Variants in GPR149 observed in about 807,000 individuals in gnomAD.
GPR149 encodes the protein probable G protein-coupled receptor 149.
A neutral mutation model predicts 50.2 loss-of-function variants in GPR149; 50 were observed. The ratio of observed to expected loss-of-function variants is 1.00; its 90% CI spans 0.79 to 1.26. GPR149 has a LOEUF of 1.26. Among genes scored for constraint, GPR149 ranks in the 50% most tolerant of loss-of-function variants. The pLI is 0.00. For synonymous variants in GPR149, 405 were observed against 358.2 expected (o/e 1.13, Z -1.48); for missense variants, 983 against 895.4 (o/e 1.10, Z -1.25).
chr3:154,342,202 T>C (rs978545397), intron 3 of GPR149, among the ~76,000 whole-genome samples: 1 of 152,132 alleles, frequency 6.6e-6, no homozygotes, highest in East Asian at 1.9e-4. Flanking sequence ...ATATATACTA[T>C]AAACAAAAGT....
intron 3 of GPR149, among the ~76,000 whole-genome samples, chr3:154,355,109 C>A (rs767657534): frequency 4.6e-5 from 7 of 152,168 alleles, no homozygotes; most frequent in Non-Finnish European, 8.8e-5. Flanking sequence ...CTCACTGCAA[C>A]CTCTGCCTCC....
chr3:154,409,987 T>C (rs931977962), intron 3 of GPR149, among the ~76,000 whole-genome samples: 1 of 152,158 alleles, frequency 6.6e-6, no homozygotes, highest in African/African-American at 2.4e-5. Context: ...GGCAAAAGCA[T>C]CAGGTAACAT....
chr3:154,352,895 AC>A, intron 3 of GPR149: 1 of 884,036 alleles, frequency 1.1e-6, no homozygotes, highest in East Asian at 2.4e-5. Context: ...GTCCAGCTCT[AC>A]CTGTGCATCC....
intron 3 of GPR149, among the ~76,000 whole-genome samples, chr3:154,414,432 G>GA (rs1711930465): frequency 6.6e-6 from 1 of 151,982 alleles, no homozygotes; most frequent in African/African-American, 2.4e-5. Context: ...CGTAGAAATA[G>GA]AAAATTACCA....
intron 3 of GPR149, among the ~76,000 whole-genome samples, chr3:154,371,556 T>C (rs191840591): frequency 6.6e-6 from 1 of 152,254 alleles, no homozygotes; most frequent in African/African-American, 2.4e-5. Context: ...ATGGAATGAA[T>C]TGCCAACTCC....
intron 3 of GPR149, among the ~76,000 whole-genome samples, chr3:154,418,657 G>A: frequency 7.7e-6 from 1 of 129,600 alleles, no homozygotes; most frequent in Non-Finnish European, 1.6e-5. Flanking sequence ...ACACTCTGGG[G>A]ACTGTTGTGG....
chr3:154,358,755 A>G (rs1413458605), intron 3 of GPR149, among the ~76,000 whole-genome samples: 2 of 152,120 alleles, frequency 1.3e-5, no homozygotes, highest in African/African-American at 4.8e-5. Context: ...TCTAATTTAT[A>G]CCCTCTTTCA....
chr3:154,383,056 G>GTCCAT (rs1714968479), intron 3 of GPR149, among the ~76,000 whole-genome samples: 1 of 152,180 alleles, frequency 6.6e-6, no homozygotes, highest in African/African-American at 2.4e-5. Flanking sequence ...TAGTGCCTGT[G>GTCCAT]TCCATTGCTG....
intron 3 of GPR149, among the ~76,000 whole-genome samples, chr3:154,344,481 T>A (rs1296952169): frequency 6.6e-6 from 1 of 152,186 alleles, no homozygotes; most frequent in African/African-American, 2.4e-5. Context: ...TTGAATAGCA[T>A]CCCCCTCCAA....
chr3:154,413,479 A>G (rs755719579), intron 3 of GPR149, among the ~76,000 whole-genome samples: 2 of 151,998 alleles, frequency 1.3e-5, no homozygotes, highest in Non-Finnish European at 1.5e-5. Flanking sequence ...CAATCCTACC[A>G]AAAAGTGGGC....
intron 3 of GPR149, chr3:154,354,142 T>G: frequency 2.0e-6 from 1 of 496,400 alleles, no homozygotes; most frequent in Non-Finnish European, 3.9e-6. Flanking sequence ...CATTTTAGTT[T>G]TTTTTGGCCT....
chr3:154,360,973 G>T (rs1576905609), intron 3 of GPR149, among the ~76,000 whole-genome samples: 1 of 152,106 alleles, frequency 6.6e-6, no homozygotes, highest in Non-Finnish European at 1.5e-5. Flanking sequence ...AGTATGAAAA[G>T]ACTGCTCTGT....
At chr3:154,402,338 T>A (rs1341676401) in intron 3 of GPR149, among the ~76,000 whole-genome samples, 1 of 151,636 alleles carries the variant, frequency 6.6e-6, no homozygotes, top group East Asian at 1.9e-4. Context: ...ATCTTTTGAG[T>A]CCAGGAGTTG....
chr3:154,405,585 CAAAAA>C (rs33943436), intron 3 of GPR149, among the ~76,000 whole-genome samples: 3 of 83,484 alleles, frequency 3.6e-5, no homozygotes, highest in African/African-American at 1.5e-4. Context: ...AAGACTCCAT[CAAAAA>C]AAAAAAAAAA....
chr3:154,351,321 A>T lies in GPR149; in HGVS notation c.1624-13050T>A, dbSNP rs1017052204. Among the ~76,000 whole-genome samples the T allele has an allele frequency of 2.6e-3, 357 of 134,966 alleles. 1 individual carries two copies. Among genetic ancestry groups the T allele is most frequent in the Non-Finnish European group, 4.7e-3 (287 of 60,956 alleles). 88.5% of individuals were successfully genotyped at this position (134,966 alleles called of 152,430 possible). A position where few individuals can be genotyped will look rare whatever the true frequency, so the allele number is the denominator to read the frequency against. ...AATTAGACATCCACATACAAAAAAA[A>T]AAAAAAAAAAAAAAAAAAAAAAAAT... On this transcript the variant is annotated intron_variant, in intron 3 of 3. Transcript: ENST00000389740.
intron 3 of GPR149, among the ~76,000 whole-genome samples, chr3:154,360,641 A>G: frequency 6.6e-6 from 1 of 152,198 alleles, no homozygotes; most frequent in Non-Finnish European, 1.5e-5. Flanking sequence ...CATTCACTAT[A>G]TTTTTATTGA....
At chr3:154,367,728 GTC>G (rs1714563857) in intron 3 of GPR149, among the ~76,000 whole-genome samples, 1 of 152,092 alleles carries the variant, frequency 6.6e-6, no homozygotes, top group Non-Finnish European at 1.5e-5. Flanking sequence ...TCTGATCCAT[GTC>G]TCTCTCTCAC....
At chr3:154,345,101 A>G (rs1268616186) in intron 3 of GPR149, among the ~76,000 whole-genome samples, 1 of 152,196 alleles carries the variant, frequency 6.6e-6, no homozygotes, top group Admixed American at 6.5e-5. Context: ...TACCTATAAC[A>G]GTGTCTGGCA....
intron 3 of GPR149, among the ~76,000 whole-genome samples, chr3:154,398,507 T>A (rs1298760966): frequency 1.3e-5 from 2 of 152,178 alleles, no homozygotes; most frequent in Non-Finnish European, 2.9e-5. Context: ...AATGGTTATT[T>A]CTATTTGCAT....
Sources: allele counts gnomAD v4.1 joint callset (sites outside exome capture counted in the v4.1 genomes callset), GRCh38; gene constraint gnomAD v4.1.1; transcripts MANE v1.5; gene names NCBI Gene and HGNC (gene_info 2026-07-23, HGNC 2026-07-21).